Variants in SPATA6 observed in about 807,000 individuals in gnomAD.
SPATA6 encodes spermatogenesis-associated protein 6.
Under a neutral mutation model 65.3 loss-of-function variants are expected in SPATA6, and 56 were observed. The observed-to-expected ratio is 0.86, with a 90% CI of 0.69 to 1.07. The LOEUF (loss-of-function observed/expected upper bound fraction) is 1.07, where lower values mean the gene tolerates loss of function less well. SPATA6 is among the 50% of genes least tolerant of loss of function. The probability of loss-of-function intolerance (pLI) is 0.00; values close to 1 mark genes in which losing one functional copy is unlikely to be tolerated. For missense variants in SPATA6, 590 were observed against 594.8 expected (o/e 0.99, Z 0.08); for synonymous variants, 199 against 213.2 (o/e 0.93, Z 0.58).
At chr1:48,282,541 T>G in the SPATA6 span, among the ~76,000 whole-genome samples, 1 of 152,050 alleles carries the variant, frequency 6.6e-6, no homozygotes, top group Non-Finnish European at 1.5e-5. Flanking sequence ...AACAGACACT[T>G]CTCAAAAGAA....
chr1:48,464,620 G>T (rs77270848), intron 1 of SPATA6, among the ~76,000 whole-genome samples: 11 of 152,078 alleles, frequency 7.2e-5, no homozygotes, highest in Non-Finnish European at 1.6e-4. Context: ...AAACCACAAG[G>T]ATAAACTCCC....
chr1:48,353,598 G>C (rs1009675748), intron 11 of SPATA6, among the ~76,000 whole-genome samples: 2 of 151,836 alleles, frequency 1.3e-5, no homozygotes, highest in African/African-American at 4.8e-5. Context: ...AATATTACTA[G>C]AGATAAAGAG....
chr1:48,363,186 C>T (rs74341997), intron 9 of SPATA6, among the ~76,000 whole-genome samples: 3,765 of 152,028 alleles, frequency 0.025, 98 homozygotes, highest in African/African-American at 0.067. Context: ...CGAGGTAAAA[C>T]GAAAGGGTAC....
At chr1:48,361,181 A>G (rs80041844) in intron 9 of SPATA6, among the ~76,000 whole-genome samples, 6,872 of 152,268 alleles carry the variant, frequency 0.045, 253 homozygotes, top group Non-Finnish European at 0.072. Flanking sequence ...AATCAAAAGT[A>G]GAAAACATCT....
the SPATA6 span, among the ~76,000 whole-genome samples, chr1:48,266,411 C>G: frequency 6.6e-6 from 1 of 152,248 alleles, no homozygotes; most frequent in African/African-American, 2.4e-5. Flanking sequence ...ACACTTAACC[C>G]AAACTTGAGT....
chr1:48,326,477 T>C (rs1035635330), intron 11 of SPATA6, among the ~76,000 whole-genome samples: 1 of 151,246 alleles, frequency 6.6e-6, no homozygotes, highest in Non-Finnish European at 1.5e-5. Context: ...ACCAACATCA[T>C]TTTTTAAAGA....
intron 8 of SPATA6, among the ~76,000 whole-genome samples, chr1:48,388,787 C>T (rs913574515): frequency 6.6e-6 from 1 of 152,062 alleles, no homozygotes; most frequent in Non-Finnish European, 1.5e-5. Flanking sequence ...TGGCTCACTG[C>T]AACCTCCGCC....
chr1:48,340,829 A>G (rs751304102), intron 11 of SPATA6, among the ~76,000 whole-genome samples: 16 of 152,190 alleles, frequency 1.1e-4, no homozygotes, highest in Non-Finnish European at 1.5e-4. Flanking sequence ...AAGAAATACC[A>G]AGCAACATTA....
the SPATA6 span, among the ~76,000 whole-genome samples, chr1:48,280,759 G>A: frequency 2.6e-5 from 4 of 152,178 alleles, no homozygotes; most frequent in Non-Finnish European, 5.9e-5. Flanking sequence ...GAGGTACAAG[G>A]AGGAACTGGT....
At chr1:48,313,120 AC>A (rs1311803765) in intron 11 of SPATA6, among the ~76,000 whole-genome samples, 1 of 152,198 alleles carries the variant, frequency 6.6e-6, no homozygotes, top group East Asian at 1.9e-4. Context: ...AAAACACTCC[AC>A]AGGATATTTT....
intron 11 of SPATA6, among the ~76,000 whole-genome samples, chr1:48,321,392 T>G (rs1645595231): frequency 6.6e-6 from 1 of 152,164 alleles, no homozygotes; most frequent in Non-Finnish European, 1.5e-5. Context: ...TGATATCAGA[T>G]GAAATAGATT....
chr1:48,423,506 T>C (rs112111567), intron 3 of SPATA6, among the ~76,000 whole-genome samples: 7,982 of 148,886 alleles, frequency 0.054, 342 homozygotes, highest in African/African-American at 0.1. Flanking sequence ...GGGAGAGGTA[T>C]TGACTGGTAG....
chr1:48,389,835 C>T (rs1649862954), intron 8 of SPATA6, among the ~76,000 whole-genome samples: 1 of 151,990 alleles, frequency 6.6e-6, no homozygotes, highest in South Asian at 2.1e-4. Context: ...CTTGAAAACA[C>T]ACGAAAATAC....
chr1:48,365,277 T>C (rs190257282), intron 9 of SPATA6, among the ~76,000 whole-genome samples: 10,107 of 152,238 alleles, frequency 0.066, 422 homozygotes, highest in Non-Finnish European at 0.093. Flanking sequence ...GACTTGGCGA[T>C]GCGGGCTCTT....
Position 48,305,832 on chromosome 1 carries a change from CT to C in SPATA6, c.1240del (p.Ser414ValfsTer84). 1 of 1,612,324 alleles carries C rather than the reference CT, an allele frequency of 6.2e-7. No homozygotes were observed. Among genetic ancestry groups the C allele is most frequent in the Middle Eastern group, 1.7e-4 (1 of 6,046 alleles). ...EKDDELELKR[S>X]LLCRDSAYDS... ...ATAGGCAGAGTCTCTACATAAAAGA[CT>C]TCTTTTCAGTTCCAGTTCATCATCT... On this transcript the variant is annotated frameshift_variant, in exon 12 of 13. Coordinates refer to ENST00000371847, the MANE Select transcript of SPATA6 (RefSeq NM_019073.4). LOFTEE classifies it high-confidence loss of function.
At chr1:48,279,773 C>T in the SPATA6 span, among the ~76,000 whole-genome samples, 24 of 152,034 alleles carry the variant, frequency 1.6e-4, no homozygotes, top group South Asian at 4.4e-3. Context: ...GACAGATCAA[C>T]GAGACAGAAA....
At chr1:48,290,816 A>C (rs564603367), downstream of SPATA6, among the ~76,000 whole-genome samples, 11 of 152,362 alleles carry the variant, frequency 7.2e-5, no homozygotes, top group South Asian at 1.2e-3. Context: ...ATATATATGC[A>C]CACAACACAG....
intron 11 of SPATA6, among the ~76,000 whole-genome samples, chr1:48,317,206 C>T (rs1645455476): frequency 6.6e-6 from 1 of 152,182 alleles, no homozygotes; most frequent in South Asian, 2.1e-4. Flanking sequence ...ATAAATCATG[C>T]TGTGATAAAG....
At chr1:48,299,010 T>A in intron 12 of SPATA6, 117 bp from the exon 13 acceptor site, 1 of 1,028,978 alleles carries the variant, frequency 9.7e-7, no homozygotes, top group Non-Finnish European at 1.3e-6. Context: ...GCTGGGGCTG[T>A]GAAAAATAAA....
Sources: allele counts gnomAD v4.1 joint callset (sites outside exome capture counted in the v4.1 genomes callset), GRCh38; gene constraint gnomAD v4.1.1; transcripts MANE v1.5; gene names NCBI Gene and HGNC (gene_info 2026-07-23, HGNC 2026-07-21).